Variants in GUCY1A2 observed in about 807,000 individuals in gnomAD.
The protein encoded by GUCY1A2 is guanylate cyclase 1 soluble subunit alpha 2, also known as guanylate cyclase soluble subunit alpha-2.
A neutral mutation model predicts 63.5 loss-of-function variants in GUCY1A2; 27 were observed. The observed-to-expected ratio is 0.43, with a 90% CI of 0.31 to 0.59. The LOEUF is 0.59. GUCY1A2 is among the 20% of genes least tolerant of loss of function. The probability of loss-of-function intolerance (pLI) is 0.11; values close to 1 mark genes in which losing one functional copy is unlikely to be tolerated. For missense variants in GUCY1A2, 768 were observed against 913.3 expected (o/e 0.84, Z 2.05); for synonymous variants, 364 against 343.5 (o/e 1.06, Z -0.66).
At chr11:106,785,896 C>A (rs1230924569) in intron 5 of GUCY1A2, among the ~76,000 whole-genome samples, 2 of 146,904 alleles carry the variant, frequency 1.4e-5, no homozygotes, top group Non-Finnish European at 3.0e-5. Context: ...TTTTAAAGAG[C>A]AGTGGCTTTC....
At chr11:106,929,930 C>T (rs573319986) in intron 4 of GUCY1A2, among the ~76,000 whole-genome samples, 2 of 152,262 alleles carry the variant, frequency 1.3e-5, no homozygotes, top group East Asian at 3.9e-4. Context: ...ACACTTAAAA[C>T]AGTGCCAGAA....
At chr11:106,862,647 T>A (rs758676348) in intron 4 of GUCY1A2, among the ~76,000 whole-genome samples, 2 of 152,030 alleles carry the variant, frequency 1.3e-5, no homozygotes, top group Non-Finnish European at 2.9e-5. Flanking sequence ...ATTAATACTA[T>A]ACTGAACCGT....
rs1466985892 is a variant in GUCY1A2 at position 106,686,893 on chromosome 11, AAAT to A, written c.*653_*655del. 1.0e-5 allele frequency: 2 copies of A among 196,192 alleles called. No individual in the cohort carries two copies. Among genetic ancestry groups the A allele is most frequent in the Non-Finnish European group, 2.1e-5 (2 of 94,588 alleles). 12.2% of individuals were successfully genotyped at this position (196,192 alleles called of 1,614,324 possible). ...TCTCAGTCGAAGCACTGATCTCTCT[AAAT>A]AAGGGAAACTATATTAGATTAATAG... On this transcript the variant is annotated 3_prime_UTR_variant, in exon 8 of 8. Transcript: ENST00000526355.
At chr11:106,805,206 C>G (rs1858665229) in intron 5 of GUCY1A2, among the ~76,000 whole-genome samples, 1 of 152,024 alleles carries the variant, frequency 6.6e-6, no homozygotes, top group Non-Finnish European at 1.5e-5. Context: ...AATACTCCCC[C>G]TCTACCTTTA....
intron 6 of GUCY1A2, among the ~76,000 whole-genome samples, chr11:106,728,286 C>G (rs1213084138): frequency 6.6e-6 from 1 of 152,160 alleles, no homozygotes; most frequent in South Asian, 2.1e-4. Flanking sequence ...CTCCTGACTT[C>G]TTGCCCTCCT....
chr11:106,726,682 G>C (rs1038293698), intron 6 of GUCY1A2, among the ~76,000 whole-genome samples: 1 of 152,086 alleles, frequency 6.6e-6, no homozygotes, highest in African/African-American at 2.4e-5. Context: ...ATAAGACTTG[G>C]TGACTGACTG....
At chr11:107,017,457 A>G (rs903673291) in intron 1 of GUCY1A2, among the ~76,000 whole-genome samples, 3 of 152,194 alleles carry the variant, frequency 2.0e-5, no homozygotes, top group Non-Finnish European at 4.4e-5. Flanking sequence ...GGGGCTGTCC[A>G]GGGGGAACAG....
intron 5 of GUCY1A2, among the ~76,000 whole-genome samples, chr11:106,796,859 C>A (rs546899242): frequency 6.6e-6 from 1 of 152,298 alleles, no homozygotes; most frequent in African/African-American, 2.4e-5. Context: ...GGATAATAAC[C>A]TGCAGAGTCT....
rs1862390496 is a variant in GUCY1A2, at chr11:106,679,056, AT to A, written c.*8492del. ...CAGAAAACTTTCAAAAGTCTCTGAC[AT>A]TCTAAGTTTTGGATATGAGTGAGTT... On this transcript the variant is annotated 3_prime_UTR_variant, in exon 8 of 8. Transcript: ENST00000526355. 1 of 187,060 alleles carries A rather than the reference AT, an allele frequency of 5.3e-6. No homozygotes were observed. Among genetic ancestry groups the A allele is most frequent in the Non-Finnish European group, 1.1e-5 (1 of 88,556 alleles). The allele number at this position is 187,060 out of a possible 1,614,324, so 11.6% of individuals were successfully genotyped here. A position where few individuals can be genotyped will look rare whatever the true frequency, so the allele number is the denominator to read the frequency against.
At chr11:106,780,227 A>G (rs572852145) in intron 5 of GUCY1A2, among the ~76,000 whole-genome samples, 2 of 152,236 alleles carry the variant, frequency 1.3e-5, no homozygotes, top group Admixed American at 6.5e-5. Flanking sequence ...ATTAGAAACA[A>G]TAGGACCAAA....
At chr11:106,863,287 C>T (rs948930573) in intron 4 of GUCY1A2, among the ~76,000 whole-genome samples, 4 of 152,072 alleles carry the variant, frequency 2.6e-5, no homozygotes, top group South Asian at 2.1e-4. Context: ...AGATTTAAGT[C>T]TTTAATCCAC....
At chr11:106,806,167 T>C (rs1030217806) in intron 5 of GUCY1A2, among the ~76,000 whole-genome samples, 1 of 152,136 alleles carries the variant, frequency 6.6e-6, no homozygotes, top group Admixed American at 6.6e-5. Flanking sequence ...TGAGAAGTTC[T>C]AATGGCAGCT....
intron 4 of GUCY1A2, among the ~76,000 whole-genome samples, chr11:106,892,042 T>C (rs1175146534): frequency 6.6e-6 from 1 of 152,116 alleles, no homozygotes; most frequent in Non-Finnish European, 1.5e-5. Context: ...CAATATATAC[T>C]TAAGTCTCCT....
chr11:106,910,233 A>C (rs1189158752), intron 4 of GUCY1A2, among the ~76,000 whole-genome samples: 2 of 152,008 alleles, frequency 1.3e-5, no homozygotes, highest in Non-Finnish European at 2.9e-5. Context: ...AGCTCAAAAT[A>C]TTAGTTTTAA....
intron 4 of GUCY1A2, among the ~76,000 whole-genome samples, chr11:106,829,248 C>G (rs900274710): frequency 6.6e-6 from 1 of 152,134 alleles, no homozygotes; most frequent in Non-Finnish European, 1.5e-5. Flanking sequence ...ATCACGGAAG[C>G]TAAGATAAGG....
chr11:106,802,049 T>C (rs1858611181), intron 5 of GUCY1A2, among the ~76,000 whole-genome samples: 1 of 152,172 alleles, frequency 6.6e-6, no homozygotes, highest in Non-Finnish European at 1.5e-5. Context: ...TATTAAGTGA[T>C]AAATAGTGGC....
At chr11:106,750,143 T>A (rs1176172705) in intron 6 of GUCY1A2, among the ~76,000 whole-genome samples, 2 of 152,026 alleles carry the variant, frequency 1.3e-5, no homozygotes, top group Non-Finnish European at 2.9e-5. Context: ...AAGCCACTGG[T>A]GCAAGTCACA....
rs115703768 is a variant in GUCY1A2 at position 106,963,343 on chromosome 11, T to C, written c.487+15276A>G. Among the ~76,000 whole-genome samples, 926 of 152,324 alleles carry C rather than the reference T, an allele frequency of 6.1e-3. 9 individuals carry two copies. Among genetic ancestry groups the C allele is most frequent in the African/African-American group, 0.021 (853 of 41,570 alleles). ...AAGAAGAAAGCTACATGTCCGTGTATAGATGTCACTCAATATAGTACCATG... is the reference window on the plus strand; with the variant it reads ...AAGAAGAAAGCTACATGTCCGTGTACAGATGTCACTCAATATAGTACCATG... On this transcript the variant is annotated intron_variant, in intron 3 of 7. Transcript: ENST00000526355.
intron 1 of GUCY1A2, among the ~76,000 whole-genome samples, chr11:106,999,706 T>C (rs1861587858): frequency 1.3e-5 from 2 of 152,178 alleles, no homozygotes; most frequent in Admixed American, 6.5e-5. Flanking sequence ...TTGGGGTAAC[T>C]TGTAGTACAA....
Sources: gnomAD v4.1 joint callset for allele counts (sites outside exome capture counted in the v4.1 genomes callset) on GRCh38, gnomAD v4.1.1 for gene constraint, MANE v1.5 for transcripts, NCBI Gene and HGNC (gene_info 2026-07-23, HGNC 2026-07-21) for gene names.